Variants in DST observed in about 807,000 individuals in gnomAD.
DST encodes bullous pemphigoid antigen.
Under a neutral mutation model 875.2 loss-of-function variants are expected in DST, and 253 were observed. The observed-to-expected ratio is 0.29, with a 90% CI of 0.26 to 0.32. The LOEUF (loss-of-function observed/expected upper bound fraction) is 0.32. Among genes scored for constraint, DST ranks in the 10% least tolerant of loss-of-function variants. The pLI is 1.00. For synonymous variants in DST, 3,124 were observed against 3,197.1 expected (o/e 0.98, Z 0.77); for missense variants, 8,287 against 9,111.6 (o/e 0.91, Z 3.68).
intron 37 of DST, among the ~76,000 whole-genome samples, chr6:56,611,820 T>A (rs943337243): frequency 2.6e-5 from 4 of 152,198 alleles, no homozygotes; most frequent in Non-Finnish European, 5.9e-5. Flanking sequence ...ATGCCGTCAT[T>A]TTCAAGAGAA....
intron 3 of DST, among the ~76,000 whole-genome samples, chr6:56,865,016 C>T (rs1194476567): frequency 1.3e-5 from 2 of 152,120 alleles, no homozygotes; most frequent in Non-Finnish European, 2.9e-5. Flanking sequence ...GGCCACCAGA[C>T]TATGTCCTGC....
chr6:56,707,488 T>C (rs1467280683), intron 5 of DST, among the ~76,000 whole-genome samples: 2 of 152,202 alleles, frequency 1.3e-5, no homozygotes. Flanking sequence ...ATTGTGCAGG[T>C]CTGATATCCT....
intron 57 of DST, among the ~76,000 whole-genome samples, chr6:56,560,860 A>T (rs1162539942): frequency 6.6e-6 from 1 of 152,160 alleles, no homozygotes; most frequent in Non-Finnish European, 1.5e-5. Flanking sequence ...AATTTGTAGA[A>T]ATCTTGCCAT....
At position 56,553,329 on chromosome 6, in the gene DST, T is replaced by C; in HGVS notation, c.15463A>G (p.Lys5155Glu). 1 of 1,612,358 alleles carries C rather than the reference T, an allele frequency of 6.2e-7. No homozygotes were observed. The highest frequency in any genetic ancestry group is 8.5e-7 in the Non-Finnish European group (1 of 1,179,600). ...TCTTTTAACTTGTTTTCTCTTTCTTTCACCTGCTTATTAAATGTATCCCAA... is the reference window on the plus strand; with the variant it reads ...TCTTTTAACTTGTTTTCTCTTTCTTCCACCTGCTTATTAAATGTATCCCAA... ...TNWDTFNKQV[K>E]ERENKLKESL... Residue 5155 changes from lysine (K) to glutamate (E), a missense_variant, in exon 61 of 104, where the codon AAA becomes GAA. Lys to Glu is a moderately conservative substitution (Grantham distance 56). Coordinates refer to ENST00000680361, the MANE Select transcript of DST (RefSeq NM_001374736.1).
chr6:56,572,585 G>A (rs1348182772), intron 52 of DST, among the ~76,000 whole-genome samples, 162 bp downstream of exon 52: 2 of 152,114 alleles, frequency 1.3e-5, no homozygotes, highest in African/African-American at 2.4e-5. Flanking sequence ...AGGCTTCAAG[G>A]AAAAGATAAG....
rs1008672958 is a variant in DST, at chr6:56,559,058, A to C, written c.14440+1236T>G. 2.0e-5 allele frequency among the ~76,000 whole-genome samples: 3 copies of C among 152,254 alleles called. No individual in the cohort carries two copies. The South Asian group carries it at 6.2e-4, about 32-fold the overall frequency. ...ATGGTGTGATCACTTGACTTGAGAG[A>C]GTTTTCATTTAGCATAACACACTAA... On this transcript the variant is annotated intron_variant, in intron 58 of 103. Transcript: ENST00000680361.
intron 5 of DST, among the ~76,000 whole-genome samples, chr6:56,711,216 T>C (rs1328372454): frequency 2.0e-5 from 3 of 152,208 alleles, no homozygotes; most frequent in Non-Finnish European, 4.4e-5. Context: ...TAAAAACATT[T>C]ATTAATATAT....
intron 61 of DST, among the ~76,000 whole-genome samples, chr6:56,549,814 A>G (rs1562716282): frequency 1.3e-5 from 2 of 152,206 alleles, no homozygotes. Context: ...TACAGCAAAG[A>G]TGATTAGAAA....
chr6:56,692,361 T>G, intron 9 of DST: 1 of 1,189,060 alleles, frequency 8.4e-7, no homozygotes, highest in Non-Finnish European at 1.1e-6. Flanking sequence ...CTTATTTACT[T>G]GAACTCAGAC....
At chr6:56,643,532 T>C (rs1170728738) in intron 15 of DST, among the ~76,000 whole-genome samples, 1 of 152,208 alleles carries the variant, frequency 6.6e-6, no homozygotes, top group East Asian at 1.9e-4. Context: ...CTATAGGATA[T>C]TACATGGCAT....
intron 5 of DST, among the ~76,000 whole-genome samples, chr6:56,724,794 C>T (rs2099441174): frequency 1.3e-5 from 2 of 152,180 alleles, no homozygotes; most frequent in Non-Finnish European, 2.9e-5. Flanking sequence ...AAAACCACTA[C>T]AGTTGCATAT....
intron 4 of DST, among the ~76,000 whole-genome samples, chr6:56,847,276 T>C (rs914332484): frequency 1.3e-5 from 2 of 152,228 alleles, no homozygotes; most frequent in Non-Finnish European, 2.9e-5. Context: ...GCTGTGATCA[T>C]GCTAGTGCAC....
intron 5 of DST, among the ~76,000 whole-genome samples, chr6:56,724,082 C>A (rs1191214224): frequency 6.6e-6 from 1 of 152,140 alleles, no homozygotes; most frequent in Non-Finnish European, 1.5e-5. Flanking sequence ...TATTTAGCAA[C>A]CTGGAAGACA....
chr6:56,585,089 CA>C (rs2098118977), intron 49 of DST, among the ~76,000 whole-genome samples: 1 of 152,162 alleles, frequency 6.6e-6, no homozygotes, highest in African/African-American at 2.4e-5. Context: ...GCTTTGGGAT[CA>C]GGATGATGCT....
chr6:56,692,512 T>TA, intron 9 of DST: 1 of 1,289,840 alleles, frequency 7.8e-7, no homozygotes, highest in African/African-American at 1.5e-5. Context: ...TTGCTTTTCT[T>TA]GAATACTGCT....
Position 56,686,502 on chromosome 6 carries a change from T to C in DST, c.1047+13151A>G, listed in dbSNP as rs959735970. Among the ~76,000 whole-genome samples the C allele has an allele frequency of 2.6e-5, 4 of 152,328 alleles. No homozygotes were observed. In the East Asian group the frequency reaches 5.8e-4, roughly 22 times the overall value. ...CAACAAATTGACAGGGTTTTCATTG[T>C]TGTTGTTTTGTTTTTTATTTTTGTT... On this transcript the variant is annotated intron_variant, in intron 9 of 103. Transcript: ENST00000680361.
intron 22 of DST, 34 bp from the exon 23 acceptor site, chr6:56,636,686 G>T: frequency 6.4e-7 from 1 of 1,554,018 alleles, no homozygotes; most frequent in Non-Finnish European, 8.9e-7. Context: ...ATAACTGACT[G>T]GGGAGAAATA....
intron 4 of DST, among the ~76,000 whole-genome samples, chr6:56,786,272 C>G (rs1353514328): frequency 6.6e-6 from 1 of 152,202 alleles, no homozygotes; most frequent in Non-Finnish European, 1.5e-5. Context: ...TTCAGGTTCA[C>G]CCATTTCTTA....
chr6:56,768,174 A>G (rs1421676801), intron 4 of DST, among the ~76,000 whole-genome samples: 1 of 152,260 alleles, frequency 6.6e-6, no homozygotes, highest in Non-Finnish European at 1.5e-5. Flanking sequence ...GTTTCTCAAC[A>G]CAGAATATTT....
Sources: gnomAD v4.1 joint callset for allele counts (sites outside exome capture counted in the v4.1 genomes callset) on GRCh38, gnomAD v4.1.1 for gene constraint, MANE v1.5 for transcripts, NCBI Gene and HGNC (gene_info 2026-07-23, HGNC 2026-07-21) for gene names.